The following SYNPO2 variants were observed in gnomAD, a reference collection of about 807,000 sequenced individuals.
The protein encoded by SYNPO2 is synaptopodin 2.
In SYNPO2, 56 loss-of-function variants were observed where a neutral mutation model predicts 85.0. That is an observed-to-expected ratio of 0.66 (90% confidence interval 0.53 to 0.82). SYNPO2 has a LOEUF of 0.82. SYNPO2 is among the 40% of genes least tolerant of loss of function. The probability of loss-of-function intolerance (pLI) is 0.00; values close to 1 mark genes in which losing one functional copy is unlikely to be tolerated. For missense variants in SYNPO2, 1,575 were observed against 1,534.2 expected, an observed-to-expected ratio of 1.03 and a Z score of -0.44; for synonymous variants, 602 against 591.1, an observed-to-expected ratio of 1.02 and a Z score of -0.27.
chr4:119,014,386 C>A (rs190480106), intron 1 of SYNPO2, among the ~76,000 whole-genome samples: 468 of 152,156 alleles, frequency 3.1e-3, no homozygotes, highest in African/African-American at 9.8e-3. Context: ...TGCCCTCCAG[C>A]CTGGGCAACA....
chr4:118,892,355 T>C (rs1253251326), intron 1 of SYNPO2, among the ~76,000 whole-genome samples: 1 of 152,178 alleles, frequency 6.6e-6, no homozygotes, highest in African/African-American at 2.4e-5. Flanking sequence ...ATATATGTGA[T>C]GGGAGGCAAA....
At chr4:118,935,746 C>T (rs1452136222) in intron 1 of SYNPO2, among the ~76,000 whole-genome samples, 3 of 152,206 alleles carry the variant, frequency 2.0e-5, no homozygotes, top group Non-Finnish European at 4.4e-5. Flanking sequence ...AGTTGATTAA[C>T]ACATATTAAT....
chr4:119,011,870 A>G (rs1382654039), intron 1 of SYNPO2, among the ~76,000 whole-genome samples: 3 of 150,984 alleles, frequency 2.0e-5, no homozygotes, highest in African/African-American at 2.4e-5. Flanking sequence ...TAAGCTTGAT[A>G]TAGTAGCTTG....
At chr4:119,016,524 A>G (rs1339514759) in intron 1 of SYNPO2, among the ~76,000 whole-genome samples, 1 of 152,144 alleles carries the variant, frequency 6.6e-6, no homozygotes, top group Non-Finnish European at 1.5e-5. Context: ...AGATGCTTTT[A>G]AATTTTACAT....
At chr4:118,955,280 G>A (rs530849320) in intron 1 of SYNPO2, among the ~76,000 whole-genome samples, 1 of 152,248 alleles carries the variant, frequency 6.6e-6, no homozygotes, top group African/African-American at 2.4e-5. Context: ...GATCACAGGT[G>A]TGAGCCGGAT....
intron 1 of SYNPO2, among the ~76,000 whole-genome samples, chr4:118,962,141 T>C (rs972161507): frequency 6.6e-6 from 1 of 152,156 alleles, no homozygotes; most frequent in Non-Finnish European, 1.5e-5. Flanking sequence ...ACAGCAGCAA[T>C]GGATGAATTC....
chr4:118,973,523 A>G (rs899563109), intron 1 of SYNPO2, among the ~76,000 whole-genome samples: 18 of 152,298 alleles, frequency 1.2e-4, no homozygotes, highest in African/African-American at 4.3e-4. Flanking sequence ...TAACCACCAT[A>G]AAAATTTCCC....
intron 1 of SYNPO2, among the ~76,000 whole-genome samples, chr4:118,867,951 A>C (rs6830196): frequency 0.88 from 133,889 of 151,626 alleles, 59,219 homozygotes; most frequent in Middle Eastern, 0.94. Context: ...ACATTTCCCT[A>C]CAGTCAGTCT....
At chr4:118,853,351 C>T (rs2110560777) in intron 1 of SYNPO2, among the ~76,000 whole-genome samples, 1 of 152,206 alleles carries the variant, frequency 6.6e-6, no homozygotes, top group African/African-American at 2.4e-5. Context: ...TATGTTTATT[C>T]TCTTCATATA....
intron 1 of SYNPO2, among the ~76,000 whole-genome samples, chr4:118,954,849 C>T (rs1186640785): frequency 6.6e-6 from 1 of 152,060 alleles, no homozygotes; most frequent in Non-Finnish European, 1.5e-5. Flanking sequence ...CTCATTTAAT[C>T]CACACAATAA....
intron 1 of SYNPO2, among the ~76,000 whole-genome samples, chr4:118,964,790 T>C (rs751122980): frequency 3.2e-4 from 48 of 152,300 alleles, no homozygotes; most frequent in Non-Finnish European, 5.6e-4. Flanking sequence ...GCTGGAGATG[T>C]AGATGTTCTT....
intron 1 of SYNPO2, chr4:118,851,007 T>C: frequency 2.5e-6 from 1 of 398,590 alleles, no homozygotes. Flanking sequence ...CATTACTCAT[T>C]ATTGCCTGCG....
intron 1 of SYNPO2, among the ~76,000 whole-genome samples, chr4:118,856,362 G>T (rs1578501372): frequency 6.6e-6 from 1 of 152,088 alleles, no homozygotes; most frequent in Non-Finnish European, 1.5e-5. Flanking sequence ...CTAGTTTTGA[G>T]ATACATACAG....
intron 1 of SYNPO2, among the ~76,000 whole-genome samples, chr4:118,930,671 T>C (rs1347308554): frequency 1.3e-5 from 2 of 151,364 alleles, no homozygotes; most frequent in Admixed American, 1.3e-4. Context: ...TCCCAGCACT[T>C]TGGGAGCCCA....
intron 1 of SYNPO2, among the ~76,000 whole-genome samples, chr4:118,903,474 A>G (rs924115506): frequency 2.6e-5 from 4 of 152,086 alleles, no homozygotes; most frequent in Non-Finnish European, 2.9e-5. Flanking sequence ...AATTCACTGA[A>G]CTCCAGATAT....
Position 119,055,157 on chromosome 4 carries a change from AT to A in SYNPO2, c.3253-2232del, listed in dbSNP as rs60067505. On this transcript the variant is annotated intron_variant, in intron 4 of 4. Transcript: ENST00000307142. Reference sequence around the variant, plus strand: ...CTTGTTTCTTATTATTTATTTATTTATTTTTTTTTTTTGAGACAGAGTCTTG... The same window carrying A: ...CTTGTTTCTTATTATTTATTTATTTATTTTTTTTTTTGAGACAGAGTCTTG... Among the ~76,000 whole-genome samples, 117 of 129,374 alleles carry A rather than the reference AT, an allele frequency of 9.0e-4. 2 individuals carry two copies. Among genetic ancestry groups the A allele is most frequent in the Admixed American group, 1.8e-3 (25 of 13,614 alleles). 84.9% of individuals were successfully genotyped at this position (129,374 alleles called of 152,430 possible).
At chr4:118,873,850 AT>A (rs1175598550) in intron 1 of SYNPO2, among the ~76,000 whole-genome samples, 1 of 151,752 alleles carries the variant, frequency 6.6e-6, no homozygotes, top group Non-Finnish European at 1.5e-5. Flanking sequence ...CCTTGAGTTG[AT>A]TTTCGTATAT....
intron 4 of SYNPO2, chr4:119,038,369 T>TAA (rs3216722): frequency 0.015 from 11,456 of 745,434 alleles, 1 homozygote; most frequent in Non-Finnish European, 0.017. Flanking sequence ...GTTTTATTAG[T>TAA]AAAAAAAAAA....
At chr4:119,053,429 C>T (rs557979899) in intron 4 of SYNPO2, among the ~76,000 whole-genome samples, 3 of 152,294 alleles carry the variant, frequency 2.0e-5, no homozygotes, top group South Asian at 2.1e-4. Context: ...AAGGCATGTT[C>T]GTCAGTCTGG....
Sources: allele counts gnomAD v4.1 joint callset (sites outside exome capture counted in the v4.1 genomes callset), GRCh38; gene constraint gnomAD v4.1.1; transcripts MANE v1.5; gene names NCBI Gene and HGNC (gene_info 2026-07-23, HGNC 2026-07-21).